The following CHN1 variants were observed in gnomAD, a reference collection of about 807,000 sequenced individuals.
The protein encoded by CHN1 is N-chimaerin.
A neutral mutation model predicts 59.5 loss-of-function variants in CHN1; 37 were observed. The ratio of observed to expected loss-of-function variants is 0.62; its 90% CI spans 0.48 to 0.82. The LOEUF (loss-of-function observed/expected upper bound fraction) is 0.82. Among genes scored for constraint, CHN1 ranks in the 40% least tolerant of loss-of-function variants. The pLI is 0.00. For missense variants in CHN1, 469 were observed against 571.0 expected, an observed-to-expected ratio of 0.82 and a Z score of 1.82; for synonymous variants, 206 against 200.4, an observed-to-expected ratio of 1.03 and a Z score of -0.24.
intron 6 of CHN1, among the ~76,000 whole-genome samples, chr2:174,867,046 CTTTT>C (rs1030395263): frequency 1.4e-5 from 2 of 145,882 alleles, no homozygotes; most frequent in African/African-American, 2.5e-5. Context: ...AAAATGACAA[CTTTT>C]TTTTACTTAA....
At chr2:174,956,425 T>C (rs1461099545) in intron 1 of CHN1, among the ~76,000 whole-genome samples, 1 of 152,026 alleles carries the variant, frequency 6.6e-6, no homozygotes, top group Non-Finnish European at 1.5e-5. Context: ...AGAAGGAATA[T>C]ATGATGGTAA....
intron 11 of CHN1, among the ~76,000 whole-genome samples, chr2:174,802,241 T>C (rs1197672894): frequency 6.6e-6 from 1 of 152,234 alleles, no homozygotes; most frequent in Non-Finnish European, 1.5e-5. Context: ...TCAGCAATGG[T>C]ATACTAACCA....
At chr2:174,800,989 A>G (rs771278707) in intron 12 of CHN1, among the ~76,000 whole-genome samples, 1 of 152,256 alleles carries the variant, frequency 6.6e-6, no homozygotes, top group Non-Finnish European at 1.5e-5. Context: ...TCATTTTTAT[A>G]TAACTCATGC....
intron 8 of CHN1, among the ~76,000 whole-genome samples, chr2:174,821,370 C>T (rs939547662): frequency 3.3e-5 from 5 of 152,266 alleles, no homozygotes; most frequent in African/African-American, 1.2e-4. Context: ...GTCCTTATAT[C>T]ATCTTTCTCT....
chr2:174,990,327 G>A (rs1574250138), intron 1 of CHN1, among the ~76,000 whole-genome samples: 1 of 143,534 alleles, frequency 7.0e-6, no homozygotes, highest in East Asian at 2.1e-4. Context: ...GTGGGGGGGT[G>A]CGGGGGGGCG....
intron 5 of CHN1, among the ~76,000 whole-genome samples, chr2:174,887,630 A>C (rs1181785983): frequency 6.6e-6 from 1 of 152,204 alleles, no homozygotes; most frequent in African/African-American, 2.4e-5. Flanking sequence ...TTTTCTGAAT[A>C]ATCAACCACC....
intron 2 of CHN1, among the ~76,000 whole-genome samples, chr2:174,948,800 A>C (rs1278133905): frequency 6.6e-6 from 1 of 152,150 alleles, no homozygotes; most frequent in East Asian, 1.9e-4. Flanking sequence ...TGACATACCT[A>C]ATTATTTTTA....
chr2:174,933,189 T>C (rs1240752295), intron 3 of CHN1, among the ~76,000 whole-genome samples: 1 of 152,142 alleles, frequency 6.6e-6, no homozygotes, highest in Admixed American at 6.5e-5. Context: ...TGTGTATATA[T>C]ATAGGTATAT....
intron 1 of CHN1, among the ~76,000 whole-genome samples, chr2:174,973,964 T>C (rs1690840998): frequency 2.0e-5 from 3 of 152,338 alleles, no homozygotes; most frequent in South Asian, 2.1e-4. Flanking sequence ...AGGTATCTCT[T>C]ATATGAACAT....
At position 174,841,704 on chromosome 2, in the gene CHN1, T is replaced by A. The variant is rs76574276; in HGVS notation, c.627+5176A>T. Among the ~76,000 whole-genome samples, 360 of 152,304 alleles carry A rather than the reference T, an allele frequency of 2.4e-3. 5 individuals carry two copies. Among genetic ancestry groups the A allele is most frequent in the African/African-American group, 7.7e-3 (319 of 41,552 alleles). On this transcript the variant is annotated intron_variant, in intron 7 of 12. Coordinates refer to ENST00000409900, the MANE Select transcript of CHN1 (RefSeq NM_001822.7). ...AGAAATTATTTAAAATTATTTAAATTTCCAAGTAAAATTATTTAAAGGAAT... is the reference window on the plus strand; with the variant it reads ...AGAAATTATTTAAAATTATTTAAATATCCAAGTAAAATTATTTAAAGGAAT...
chr2:174,819,527 T>A (rs912207346), intron 8 of CHN1, among the ~76,000 whole-genome samples: 3 of 152,210 alleles, frequency 2.0e-5, no homozygotes, highest in African/African-American at 7.2e-5. Context: ...GGTCTTTTTT[T>A]AAAGACGAAT....
chr2:174,910,993 T>G (rs770563403), intron 5 of CHN1, among the ~76,000 whole-genome samples: 43 of 152,022 alleles, frequency 2.8e-4, no homozygotes, highest in Non-Finnish European at 1.2e-4. Context: ...TCCACAAGGT[T>G]TTTCACCTTC....
intron 5 of CHN1, among the ~76,000 whole-genome samples, chr2:174,891,835 GAGTT>G (rs1197258874): frequency 2.0e-5 from 3 of 151,956 alleles, no homozygotes; most frequent in Non-Finnish European, 4.4e-5. Context: ...AACCAACTAT[GAGTT>G]AGTTTTTTAA....
chr2:174,875,817 C>T (rs1027900817), intron 6 of CHN1: 107 of 985,322 alleles, frequency 1.1e-4, no homozygotes, highest in Non-Finnish European at 1.2e-4. Flanking sequence ...AGGGAATCAA[C>T]GTTTCAAGCT....
At chr2:174,813,534 AAT>A (rs1297740409) in intron 8 of CHN1, among the ~76,000 whole-genome samples, 3 of 152,232 alleles carry the variant, frequency 2.0e-5, no homozygotes, top group Non-Finnish European at 4.4e-5. Flanking sequence ...TTTTCTGGTT[AAT>A]ATTGTGAGAC....
intron 7 of CHN1, among the ~76,000 whole-genome samples, chr2:174,828,547 A>T (rs1417308642): frequency 6.6e-6 from 1 of 152,232 alleles, no homozygotes; most frequent in African/African-American, 2.4e-5. Context: ...CACAATACTA[A>T]TAGGTGCTGT....
intron 3 of CHN1, among the ~76,000 whole-genome samples, chr2:174,936,018 G>A (rs1484107299): frequency 1.3e-5 from 2 of 152,198 alleles, no homozygotes; most frequent in Admixed American, 6.5e-5. Context: ...ATTGTAGTTA[G>A]AATTTGAAAA....
intron 3 of CHN1, among the ~76,000 whole-genome samples, chr2:174,924,946 T>C (rs544728411): frequency 2.0e-5 from 3 of 152,348 alleles, no homozygotes; most frequent in Non-Finnish European, 2.9e-5. Flanking sequence ...TTACATGCTT[T>C]GCTTTCTCCA....
chr2:174,862,574 A>G (rs113080050), intron 6 of CHN1, among the ~76,000 whole-genome samples: 1 of 152,144 alleles, frequency 6.6e-6, no homozygotes, highest in Non-Finnish European at 1.5e-5. Context: ...CTCGTGATCC[A>G]CCTGCCTCGG....
Sources: allele counts gnomAD v4.1 joint callset (sites outside exome capture counted in the v4.1 genomes callset), GRCh38; gene constraint gnomAD v4.1.1; transcripts MANE v1.5; gene names NCBI Gene and HGNC (gene_info 2026-07-23, HGNC 2026-07-21).